EPCAM: variants seen among roughly 807,000 people sequenced by gnomAD.
EPCAM encodes adenocarcinoma-associated antigen.
EPCAM carries 39 observed loss-of-function variants against 40.0 expected under a neutral mutation model. The ratio of observed to expected loss-of-function variants is 0.98; its 90% confidence interval spans 0.76 to 1.27. EPCAM has a LOEUF of 1.27. EPCAM is among the 50% of genes most tolerant of loss of function. The pLI is 0.00. For missense variants in EPCAM, 503 were observed against 381.2 expected, an observed-to-expected ratio of 1.32 and a Z score of -2.66; for synonymous variants, 168 against 132.3, an observed-to-expected ratio of 1.27 and a Z score of -1.85.
chr2:47,371,720 A>G (rs1671275783), intron 1 of EPCAM, among the ~76,000 whole-genome samples: 1 of 152,228 alleles, frequency 6.6e-6, no homozygotes, highest in African/African-American at 2.4e-5. Flanking sequence ...GTTTTAAACA[A>G]GTACAGGATG....
chr2:47,370,519 C>T (rs1279225110), intron 1 of EPCAM, among the ~76,000 whole-genome samples: 4 of 151,852 alleles, frequency 2.6e-5, no homozygotes, highest in African/African-American at 4.8e-5. Context: ...TCGTGATCCG[C>T]CCGCCTCGGC....
At chr2:47,371,640 GT>G (rs1671273480) in intron 1 of EPCAM, among the ~76,000 whole-genome samples, 1 of 152,188 alleles carries the variant, frequency 6.6e-6, no homozygotes, top group Admixed American at 6.6e-5. Flanking sequence ...GCTGCTACAG[GT>G]TTGTGCTCAG....
chr2:47,373,906 T>C lies in EPCAM; in HGVS notation c.283T>C (p.Tyr95His). 6.2e-7 allele frequency: 1 copy of C among 1,614,162 alleles called. No homozygotes were observed. The highest frequency in any genetic ancestry group is 8.5e-7 in the Non-Finnish European group (1 of 1,180,034). Residue 95 changes from tyrosine (Y) to histidine (H), a missense_variant, in exon 3 of 9, where the codon TAT (tyrosine) becomes CAT (histidine). By Grantham distance (83) the Tyr-to-His change is moderately conservative. Coordinates refer to ENST00000263735, the MANE Select transcript of EPCAM (RefSeq NM_002354.3). The part of the protein sequence containing the change: ...EGALQNNDGL[Y>H]DPDCDESGLF... ...GGCCCTCCAGAACAATGATGGGCTT[T>C]ATGATCCTGACTGCGATGAGAGCGG...
Position 47,386,599 on chromosome 2 carries a change from G to A in EPCAM, c.931G>A (p.Glu311Lys), listed in dbSNP as rs747486977. Residue 311 changes from glutamate to lysine, a missense_variant, in exon 9 of 9, where the codon GAA (glutamate) becomes AAA (lysine). Coordinates refer to ENST00000263735, the MANE Select transcript of EPCAM (RefSeq NM_002354.3). The part of the protein sequence containing the change: ...EIKEMGEMHR[E>K]LNA Reference sequence around the variant, plus strand: ...AAAGGAGATGGGTGAGATGCATAGGGAACTCAATGCATAACTATATAATTT... The same window carrying A: ...AAAGGAGATGGGTGAGATGCATAGGAAACTCAATGCATAACTATATAATTT... 1 of 1,605,796 alleles carries A rather than the reference G, an allele frequency of 6.2e-7. No individual in the cohort carries two copies. The highest frequency in any genetic ancestry group is 8.5e-7 in the Non-Finnish European group (1 of 1,173,336).
chr2:47,370,451 A>G (rs559917606), intron 1 of EPCAM, among the ~76,000 whole-genome samples: 5 of 151,324 alleles, frequency 3.3e-5, no homozygotes, highest in East Asian at 2.0e-4. Context: ...TAATTTTTGT[A>G]TTGTTAGTAG....
At chr2:47,379,092 T>G in intron 6 of EPCAM, 38 bp downstream of exon 6, 1 of 1,020,876 alleles carries the variant, frequency 9.8e-7, no homozygotes, top group Middle Eastern at 2.0e-4. Context: ...TTCAGGAATG[T>G]AGTCTATCAT....
Position 47,376,496 on chromosome 2 carries a change from G to C in EPCAM, c.492-518G>C, listed in dbSNP as rs56180422. ...GCTGGTCTCGAACTCCCAACCTCAG[G>C]TGATCTGCCCACCTCAGCATCCCAA... is the stretch of plus-strand genomic sequence containing the variant. On this transcript the variant is annotated intron_variant, in intron 4 of 8. Coordinates refer to ENST00000263735, the MANE Select transcript of EPCAM (RefSeq NM_002354.3). Among the ~76,000 whole-genome samples the C allele has an allele frequency of 9.9e-5, 15 of 152,204 alleles. No homozygotes were observed. In the South Asian group the frequency reaches 1.7e-3, roughly 17 times the overall value.
At chr2:47,381,392 CAAAAA>C (rs370875469) in intron 7 of EPCAM, among the ~76,000 whole-genome samples, 1,028 of 74,360 alleles carry the variant, frequency 0.014, 25 homozygotes, top group African/African-American at 0.043. Flanking sequence ...AACTCCGTCT[CAAAAA>C]AAAAAAAAAA....
chr2:47,383,766 C>CTGGGACTACAG (rs1671663584), intron 7 of EPCAM, among the ~76,000 whole-genome samples: 1 of 150,480 alleles, frequency 6.6e-6, no homozygotes, highest in Non-Finnish European at 1.5e-5. Flanking sequence ...TCCCAAGTAG[C>CTGGGACTACAG]TGGGACTACA....
At chr2:47,380,843 C>G (rs1236878706) in intron 7 of EPCAM, among the ~76,000 whole-genome samples, 1 of 152,096 alleles carries the variant, frequency 6.6e-6, no homozygotes, top group Admixed American at 6.6e-5. Flanking sequence ...AATCGCAGCA[C>G]TTTGGAAGGC....
chr2:47,377,586 A>C (rs192471920), intron 5 of EPCAM: 3 of 256,326 alleles, frequency 1.2e-5, no homozygotes, highest in African/African-American at 7.0e-5. Flanking sequence ...TGAAAAGCCT[A>C]GTTTTACTCC....
Position 47,373,852 on chromosome 2 carries a change from A to G in EPCAM, c.229A>G (p.Lys77Glu). Residue 77 changes from lysine to glutamate, a missense_variant, in exon 3 of 9, where the codon AAA becomes GAA. Coordinates refer to ENST00000263735, the MANE Select transcript of EPCAM (RefSeq NM_002354.3). ...LVMKAEMNGS[K>E]LGRRAKPEGA... ...GATGAAGGCAGAAATGAATGGCTCA[A>G]AACTTGGGAGAAGAGCAAAACCTGA... 1 of 1,614,118 alleles carries G rather than the reference A, an allele frequency of 6.2e-7. No homozygotes were observed. Among genetic ancestry groups the G allele is most frequent in the East Asian group, 2.2e-5 (1 of 44,878 alleles).
chr2:47,383,607 CTTTTTTTTTTTTTTTTTTTTTTTTTTTT>C (rs760722807), intron 7 of EPCAM, among the ~76,000 whole-genome samples: 91 of 36,480 alleles, frequency 2.5e-3, no homozygotes, highest in Non-Finnish European at 4.5e-3. Context: ...CCGGCTTCTT[CTTTTTTTTTTTTTTTTTTTTTTTTTTTT>C]TTTTTTTTTT....
At chr2:47,374,326 T>A (rs1351988959) in intron 3 of EPCAM, among the ~76,000 whole-genome samples, 2 of 152,354 alleles carry the variant, frequency 1.3e-5, no homozygotes, top group African/African-American at 2.4e-5. Context: ...AGGTATAATT[T>A]TTCTTTTATA....
At chr2:47,372,216 A>T (rs1284810102) in intron 1 of EPCAM, among the ~76,000 whole-genome samples, 2 of 152,178 alleles carry the variant, frequency 1.3e-5, no homozygotes, top group African/African-American at 2.4e-5. Flanking sequence ...AAAATTGTTT[A>T]AAGATTGAAT....
At chr2:47,384,953 C>G (rs1010889079) in intron 7 of EPCAM, among the ~76,000 whole-genome samples, 3 of 152,096 alleles carry the variant, frequency 2.0e-5, no homozygotes, top group South Asian at 4.2e-4. Context: ...ATGATCTTCC[C>G]GCTTCGGCCT....
At chr2:47,370,316 A>G (rs866319936) in intron 1 of EPCAM, among the ~76,000 whole-genome samples, 3 of 151,922 alleles carry the variant, frequency 2.0e-5, no homozygotes, top group Non-Finnish European at 2.9e-5. Flanking sequence ...CTGTCGCCCA[A>G]GCTGGAGTGC....
chr2:47,380,096 A>C, intron 7 of EPCAM, 127 bp downstream of exon 7: 1 of 1,478,114 alleles, frequency 6.8e-7, no homozygotes. Flanking sequence ...CAGGTGGATC[A>C]CTTGAGCCCA....
intron 1 of EPCAM, among the ~76,000 whole-genome samples, chr2:47,371,727 G>C (rs1474827906): frequency 1.3e-5 from 2 of 152,260 alleles, no homozygotes; most frequent in African/African-American, 2.4e-5. Flanking sequence ...ACAAGTACAG[G>C]ATGGGGCTGC....
Sources: allele counts gnomAD v4.1 joint callset (sites outside exome capture counted in the v4.1 genomes callset), GRCh38; gene constraint gnomAD v4.1.1; transcripts MANE v1.5; gene names NCBI Gene and HGNC (gene_info 2026-07-23, HGNC 2026-07-21).